Variants in TOPORS observed in about 807,000 individuals in gnomAD.
The protein encoded by TOPORS is TOP1 binding arginine/serine rich protein, E3 ubiquitin ligase.
TOPORS carries 25 observed loss-of-function variants against 81.4 expected under a neutral mutation model. That is an observed-to-expected ratio of 0.31 (90% CI 0.22 to 0.43). TOPORS has a LOEUF of 0.43. Among genes scored for constraint, TOPORS ranks in the 20% least tolerant of loss-of-function variants. The pLI, the probability that TOPORS is intolerant of heterozygous loss-of-function variation, is 1.00. For missense variants in TOPORS, 1,101 were observed against 1,267.0 expected (o/e 0.87, Z 1.99); for synonymous variants, 473 against 456.6 (o/e 1.04, Z -0.46).
At chr9:32,547,918 G>A (rs986263223) in intron 2 of TOPORS, among the ~76,000 whole-genome samples, 4 of 151,078 alleles carry the variant, frequency 2.6e-5, no homozygotes, top group Non-Finnish European at 5.9e-5. Flanking sequence ...TGCAAGCTCC[G>A]CCTCCCGGGT....
At chr9:32,550,050 C>G (rs1474843043) in intron 2 of TOPORS, among the ~76,000 whole-genome samples, 1 of 152,298 alleles carries the variant, frequency 6.6e-6, no homozygotes, top group South Asian at 2.1e-4. Flanking sequence ...TGGACAAAAC[C>G]CAGAAAGCTC....
rs536534149 is a variant in TOPORS at position 32,540,590 on chromosome 9, T to C, written c.*797A>G. 1.3e-5 allele frequency: 2 copies of C among 152,382 alleles called. No homozygotes were observed. Among genetic ancestry groups the C allele is most frequent in the Non-Finnish European group, 2.9e-5 (2 of 68,030 alleles). 9.4% of individuals were successfully genotyped at this position (152,382 alleles called of 1,614,324 possible). On this transcript the variant is annotated 3_prime_UTR_variant, in exon 3 of 3. Transcript: ENST00000360538. ...TTATTTAGCAAGTTAAATGCTGTTTTTACTGATGATAGAAAGCAAATAAGA... is the reference window on the plus strand; with the variant it reads ...TTATTTAGCAAGTTAAATGCTGTTTCTACTGATGATAGAAAGCAAATAAGA...
At position 32,542,970 on chromosome 9, in the gene TOPORS, C is replaced by G. The variant is rs1280296649; in HGVS notation, c.1555G>C (p.Glu519Gln). 1 of 1,614,142 alleles carries G rather than the reference C, an allele frequency of 6.2e-7. No homozygotes were observed. Among genetic ancestry groups the G allele is most frequent in the South Asian group, 1.1e-5 (1 of 91,082 alleles). Residue 519 changes from glutamate (E) to glutamine (Q), a missense_variant, in exon 3 of 3, where the codon GAG (glutamate) becomes CAG (glutamine). Transcript: ENST00000360538. ...KMETVKTQEQEQSYSSGDSDV... is the reference protein window; with the variant it reads ...KMETVKTQEQQQSYSSGDSDV... ...CTATCACCAGAACTGTAAGATTGCT[C>G]CTGTTCTTGTGTCTTCACTGTCTCC... is the stretch of plus-strand genomic sequence containing the variant.
In TOPORS at chr9:32,542,345, C is replaced by T; in HGVS notation, c.2180G>A (p.Arg727Lys). The change falls in exon 3 of 3, where the codon AGA becomes AAA. Residue 727 changes from arginine to lysine, a missense_variant. By Grantham distance (26) the Arg-to-Lys change is conservative. This residue lies in a region of TOPORS where 605 missense variants were observed against 636.1 expected (regional missense o/e 0.95). Coordinates refer to ENST00000360538, the MANE Select transcript of TOPORS (RefSeq NM_005802.5). Reference sequence around the variant, plus strand: ...TGAAGACTGTCTAGAATAATGAGCTCTGGACAGAGTCCTCCTCCTGTAAGA... The same window carrying T: ...TGAAGACTGTCTAGAATAATGAGCTTTGGACAGAGTCCTCCTCCTGTAAGA... ...ESSYRRRTLS[R>K]AHYSRQSSSP... The T allele has an allele frequency of 6.2e-7, 1 of 1,614,186 alleles. No individual in the cohort carries two copies. Among genetic ancestry groups the T allele is most frequent in the Non-Finnish European group, 8.5e-7 (1 of 1,180,026 alleles).
intron 2 of TOPORS, among the ~76,000 whole-genome samples, chr9:32,549,969 G>C (rs1270865891): frequency 6.6e-6 from 1 of 152,110 alleles, no homozygotes; most frequent in East Asian, 1.9e-4. Flanking sequence ...GGAACCGTTC[G>C]CCTCTAAAAC....
chr9:32,544,360 A>C (rs780011453), intron 2 of TOPORS, 34 bp from the exon 3 acceptor site: 2 of 1,589,136 alleles, frequency 1.3e-6, no homozygotes, highest in Non-Finnish European at 1.7e-6. Flanking sequence ...CAGTAACCTG[A>C]TAATAGAGGA....
rs952479055 is a variant in TOPORS at position 32,541,454 on chromosome 9, C to G, written c.3071G>C (p.Arg1024Thr). 2 of 1,614,036 alleles carry G rather than the reference C, an allele frequency of 1.2e-6. No individual in the cohort carries two copies. Among genetic ancestry groups the G allele is most frequent in the African/African-American group, 2.7e-5 (2 of 74,934 alleles). ...NIVSLQTEPS[R>T]QLPSPRTSLM... ...TGATGTCCGTGGCGATGGCAATTGC[C>G]TTGATGGCTCAGTTTGAAGAGACAC... is the stretch of plus-strand genomic sequence containing the variant. Residue 1024 changes from arginine (R) to threonine (T), a missense_variant, in exon 3 of 3, where the codon AGG becomes ACG. Arg to Thr is a moderately conservative substitution (Grantham distance 71, BLOSUM62 -1). Coordinates refer to ENST00000360538, the MANE Select transcript of TOPORS (RefSeq NM_005802.5).
At chr9:32,551,156 G>A (rs1821246239) in intron 1 of TOPORS, 188 bp from the exon 2 acceptor site, 3 of 694,614 alleles carry the variant, frequency 4.3e-6, no homozygotes, top group Non-Finnish European at 7.4e-6. Flanking sequence ...CGCCGCTCCA[G>A]ACCCCGGAGG....
intron 2 of TOPORS, among the ~76,000 whole-genome samples, chr9:32,548,327 C>T (rs1821169600): frequency 1.3e-5 from 2 of 150,868 alleles, no homozygotes; most frequent in Non-Finnish European, 3.0e-5. Flanking sequence ...AGTTCGAGAC[C>T]AGCCTGACCA....
rs199926017 is a variant in TOPORS, at chr9:32,541,818, G to C, written c.2707C>G (p.Arg903Gly). 4 of 1,614,010 alleles carry C rather than the reference G, an allele frequency of 2.5e-6. No individual in the cohort carries two copies. Among genetic ancestry groups the C allele is most frequent in the Admixed American group, 1.7e-5 (1 of 60,004 alleles). The change falls in exon 3 of 3, where the codon CGT (arginine) becomes GGT (glycine). Residue 903 changes from arginine (R) to glycine (G), a missense_variant. This residue lies in a region of TOPORS where 605 missense variants were observed against 636.1 expected (regional missense o/e 0.95). Transcript: ENST00000360538. ...HKKHHGDNAS[R>G]SPVVITIDSD... Reference sequence around the variant, plus strand: ...TCAATGGTAATTACAACTGGGGAACGTGAAGCATTATCTCCATGGTGTTTC... The same window carrying C: ...TCAATGGTAATTACAACTGGGGAACCTGAAGCATTATCTCCATGGTGTTTC...
In TOPORS at chr9:32,540,937, T is replaced by G. The variant is rs1226926721; in HGVS notation, c.*450A>C. On this transcript the variant is annotated 3_prime_UTR_variant, in exon 3 of 3. Coordinates refer to ENST00000360538, the MANE Select transcript of TOPORS (RefSeq NM_005802.5). ...GCCTCAATTTAACCTGAAGAAATGG[T>G]TTTGAATCATATAAATTTTTAAGAA... The G allele has an allele frequency of 6.5e-6, 1 of 154,708 alleles. No individual in the cohort carries two copies. Among genetic ancestry groups the G allele is most frequent in the African/African-American group, 2.4e-5 (1 of 41,402 alleles). 9.6% of individuals were successfully genotyped at this position (154,708 alleles called of 1,614,324 possible). A position where few individuals can be genotyped will look rare whatever the true frequency, so the allele number is the denominator to read the frequency against.
chr9:32,544,618 G>A (rs1257563529), intron 2 of TOPORS, among the ~76,000 whole-genome samples: 1 of 152,138 alleles, frequency 6.6e-6, no homozygotes, highest in Non-Finnish European at 1.5e-5. Context: ...AGTGATAACA[G>A]AATCTGCCTT....
intron 1 of TOPORS, chr9:32,551,648 T>TC (rs1821264724): frequency 3.5e-6 from 1 of 286,822 alleles, no homozygotes; most frequent in Admixed American, 3.8e-5. Context: ...ATTCTACTCC[T>TC]CAGGCCTCAA....
Position 32,541,941 on chromosome 9 carries a change from T to C in TOPORS, c.2584A>G (p.Thr862Ala), listed in dbSNP as rs1384071564. ...ACTATCTCTACACTTAGGCTCCGGG[T>C]CTTCCTTTTTCTCCTTTTGTGTTTT... Reference protein sequence around the residue: ...ETKHKRRKRKTRSLSVEIVYE... With the variant: ...ETKHKRRKRKARSLSVEIVYE... The change falls in exon 3 of 3, where the codon ACC becomes GCC. Residue 862 changes from threonine (T) to alanine (A), a missense_variant. Transcript: ENST00000360538. 1 of 1,613,400 alleles carries C rather than the reference T, an allele frequency of 6.2e-7. No individual in the cohort carries two copies. The highest frequency in any genetic ancestry group is 8.5e-7 in the Non-Finnish European group (1 of 1,179,910).
intron 1 of TOPORS, 163 bp from the exon 2 acceptor site, chr9:32,551,131 A>C: frequency 2.4e-6 from 2 of 841,926 alleles, no homozygotes; most frequent in Non-Finnish European, 3.8e-6. Flanking sequence ...ACCGGCCCAA[A>C]TGCGGCCCCT....
intron 2 of TOPORS, among the ~76,000 whole-genome samples, chr9:32,549,075 C>A (rs972661132): frequency 1.3e-5 from 2 of 151,822 alleles, no homozygotes; most frequent in Non-Finnish European, 1.5e-5. Flanking sequence ...TTTGGGAGGC[C>A]GAGGTGAGCG....
At position 32,550,765 on chromosome 9, in the gene TOPORS, C is replaced by T. The variant is rs1205494939; in HGVS notation, c.198+9G>A. On this transcript the variant is annotated intron_variant, in intron 2 of 2. Coordinates refer to ENST00000360538, the MANE Select transcript of TOPORS (RefSeq NM_005802.5). Reference sequence around the variant, plus strand: ...ACCCCCGCGTCCCATTGTTCCGAATCTCACTCACCTCGGAGGATGCCGGCG... The same window carrying T: ...ACCCCCGCGTCCCATTGTTCCGAATTTCACTCACCTCGGAGGATGCCGGCG... The T allele has an allele frequency of 6.2e-7, 1 of 1,612,702 alleles. No homozygotes were observed. Among genetic ancestry groups the T allele is most frequent in the Non-Finnish European group, 8.5e-7 (1 of 1,179,646 alleles).
chr9:32,544,138 C>G lies in TOPORS; in HGVS notation c.387G>C (p.Gln129His). 3 of 1,614,124 alleles carry G rather than the reference C, an allele frequency of 1.9e-6. No individual in the cohort carries two copies. Among genetic ancestry groups the G allele is most frequent in the Non-Finnish European group, 2.5e-6 (3 of 1,180,030 alleles). The change falls in exon 3 of 3, where the codon CAG becomes CAC. Residue 129 changes from glutamine to histidine, a missense_variant. Transcript: ENST00000360538. ...CLHKFCFRCV[Q>H]EWSKNKAECP... The stretch of plus-strand genomic sequence containing the variant: ...ATTCAGCTTTGTTTTTTGACCACTC[C>G]TGTACACAGCGAAAACAGAACTTAT...
chr9:32,550,917 G>A lies in TOPORS; in HGVS notation c.55C>T (p.Pro19Ser), dbSNP rs1043611240. Residue 19 changes from proline to serine, a missense_variant, in exon 2 of 3, where the codon CCC becomes TCC. Transcript: ENST00000360538. ...CCCTCCGAAGCGGGAGCAGGCGGGG[G>A]CGCTTCACCCTCCTCGCGAGACAGC... ...SPLSREEGEA[P>S]PPAPASEGRR... The A allele has an allele frequency of 4.3e-6, 7 of 1,612,660 alleles. No individual in the cohort carries two copies. The highest frequency in any genetic ancestry group is 1.7e-5 in the Admixed American group (1 of 59,992).
Sources: allele counts gnomAD v4.1 joint callset (sites outside exome capture counted in the v4.1 genomes callset), GRCh38; gene constraint gnomAD v4.1.1; regional missense constraint gnomAD v4.1.1; transcripts MANE v1.5; gene names NCBI Gene and HGNC (gene_info 2026-07-23, HGNC 2026-07-21).